Variants in FBP2 observed in about 807,000 individuals in gnomAD.
FBP2 encodes the protein fructose-1,6-bisphosphatase isozyme 2.
In FBP2, 27 loss-of-function variants were observed where a neutral mutation model predicts 31.6. The ratio of observed to expected loss-of-function variants is 0.85; its 90% CI spans 0.63 to 1.18. The LOEUF (loss-of-function observed/expected upper bound fraction) is 1.18. Among genes scored for constraint, FBP2 ranks in the 50% most tolerant of loss-of-function variants. The probability of loss-of-function intolerance (pLI) is 0.00; values close to 1 mark genes in which losing one functional copy is unlikely to be tolerated. For synonymous variants in FBP2, 168 were observed against 179.8 expected (o/e 0.93, Z 0.53); for missense variants, 421 against 436.1 (o/e 0.97, Z 0.31).
chr9:94,568,869 A>C (rs1038376172), intron 4 of FBP2: 6 of 152,200 alleles, frequency 3.9e-5, no homozygotes, highest in African/African-American at 1.4e-4. Flanking sequence ...TATCCAATCC[A>C]GACTGACCCT....
chr9:94,563,470 CAGAA>C lies in FBP2; in HGVS notation c.706-13_706-10del. On this transcript the variant is annotated splice_polypyrimidine_tract_variant and intron_variant, in intron 5 of 6. Coordinates refer to ENST00000375337, the MANE Select transcript of FBP2 (RefSeq NM_003837.4). ...TAGGGAGCACTGCCATCCTAGAAGA[CAGAA>C]AGCGAAGAGACAAGATCCAGTGGCT... 1.9e-6 allele frequency: 3 copies of C among 1,611,828 alleles called. No homozygotes were observed. The highest frequency in any genetic ancestry group is 2.5e-6 in the Non-Finnish European group (3 of 1,178,638).
intron 5 of FBP2, among the ~76,000 whole-genome samples, chr9:94,565,750 AT>A (rs1240276025): frequency 4.6e-5 from 6 of 129,900 alleles, no homozygotes; most frequent in Admixed American, 8.4e-5. Context: ...AGATAGATAG[AT>A]AGAAAATAGA....
At chr9:94,586,301 G>A (rs1407420030) in intron 2 of FBP2, among the ~76,000 whole-genome samples, 1 of 152,170 alleles carries the variant, frequency 6.6e-6, no homozygotes, top group Non-Finnish European at 1.5e-5. Flanking sequence ...CTTGAACCCG[G>A]GAGGCAGAGG....
At chr9:94,564,710 TAC>T (rs1827161002) in intron 5 of FBP2, among the ~76,000 whole-genome samples, 1 of 152,020 alleles carries the variant, frequency 6.6e-6, no homozygotes, top group Non-Finnish European at 1.5e-5. Flanking sequence ...AAGTATTGGA[TAC>T]CAGGTTTAGT....
rs1827441641 is a variant in FBP2 at position 94,587,457 on chromosome 9, T to C, written c.183A>G (p.Ala61=). ...CATCTCCCGTCACGTTAACGCTTCCTGCGATTCCATACCTGAGAAGACAAA... is the reference window on the plus strand; with the variant it reads ...CATCTCCCGTCACGTTAACGCTTCCCGCGATTCCATACCTGAGAAGACAAA... The part of the protein sequence containing the change: ...KAGLAHLYGI[A]GSVNVTGDEV... The change falls in exon 2 of 7, where the codon GCA becomes GCG. Residue 61 remains alanine (A), a synonymous_variant. Transcript: ENST00000375337. 9 of 1,613,978 alleles carry C rather than the reference T, an allele frequency of 5.6e-6. No individual in the cohort carries two copies. The highest frequency in any genetic ancestry group is 6.8e-6 in the Non-Finnish European group (8 of 1,179,966).
At chr9:94,590,293 C>G (rs1039916100) in intron 1 of FBP2, among the ~76,000 whole-genome samples, 3 of 152,194 alleles carry the variant, frequency 2.0e-5, no homozygotes, top group South Asian at 2.1e-4. Context: ...ATGAGAAAGC[C>G]AAGGAGAGGC....
At chr9:94,561,121 T>C (rs1308880813) in intron 6 of FBP2, among the ~76,000 whole-genome samples, 1 of 152,100 alleles carries the variant, frequency 6.6e-6, no homozygotes, top group Non-Finnish European at 1.5e-5. Flanking sequence ...TCTCCCCTTT[T>C]ATGTGGGGGA....
intron 3 of FBP2, among the ~76,000 whole-genome samples, chr9:94,580,792 C>T (rs1016753199): frequency 6.6e-6 from 1 of 152,170 alleles, no homozygotes; most frequent in African/African-American, 2.4e-5. Context: ...AGGCCCTTAT[C>T]AGGTACTATT....
chr9:94,586,567 G>A (rs574415057), intron 2 of FBP2: 2 of 152,286 alleles, frequency 1.3e-5, no homozygotes, highest in South Asian at 4.1e-4. Flanking sequence ...TATGTGAGAC[G>A]AGGGCAAAAG....
At chr9:94,589,924 AAC>A (rs1827471953) in intron 1 of FBP2, among the ~76,000 whole-genome samples, 1 of 152,220 alleles carries the variant, frequency 6.6e-6, no homozygotes, top group Non-Finnish European at 1.5e-5. Context: ...GGGGACCACA[AAC>A]ACAGGCCTTG....
chr9:94,584,705 A>T, intron 2 of FBP2, 36 bp from the exon 3 acceptor site: 1 of 1,288,346 alleles, frequency 7.8e-7, no homozygotes, highest in Non-Finnish European at 1.1e-6. Context: ...TGATCAGCAC[A>T]TCTTCCCATT....
chr9:94,580,515 C>T (rs1827364396), intron 3 of FBP2, among the ~76,000 whole-genome samples: 1 of 152,218 alleles, frequency 6.6e-6, no homozygotes, highest in African/African-American at 2.4e-5. Flanking sequence ...CCATGCCCAG[C>T]CTGGATTGCC....
At chr9:94,590,050 A>G (rs1022170669) in intron 1 of FBP2, among the ~76,000 whole-genome samples, 1 of 151,792 alleles carries the variant, frequency 6.6e-6, no homozygotes, top group Admixed American at 6.6e-5. Flanking sequence ...ATGCCCCCTC[A>G]TCCGCCTAAC....
At chr9:94,584,487 G>A in intron 3 of FBP2, 90 bp downstream of exon 3, 1 of 825,038 alleles carries the variant, frequency 1.2e-6, no homozygotes, top group Non-Finnish European at 2.1e-6. Flanking sequence ...GAAGACAAAG[G>A]GTAGGACTCC....
chr9:94,588,888 C>T (rs866899221), intron 1 of FBP2, among the ~76,000 whole-genome samples: 9 of 152,324 alleles, frequency 5.9e-5, no homozygotes, highest in African/African-American at 1.7e-4. Context: ...CCAAGGCACA[C>T]ACCTGCCTTG....
chr9:94,588,136 C>T (rs2131460579), intron 1 of FBP2, among the ~76,000 whole-genome samples: 1 of 152,280 alleles, frequency 6.6e-6, no homozygotes, highest in East Asian at 1.9e-4. Context: ...CAGGCATGAG[C>T]CACCATGCCC....
chr9:94,590,025 T>C (rs1244527214), intron 1 of FBP2, among the ~76,000 whole-genome samples: 1 of 152,100 alleles, frequency 6.6e-6, no homozygotes, highest in Non-Finnish European at 1.5e-5. Context: ...ACAGCCTCTG[T>C]CCTGCGCTTT....
chr9:94,561,646 T>C (rs992939282), intron 6 of FBP2, among the ~76,000 whole-genome samples: 1 of 152,094 alleles, frequency 6.6e-6, no homozygotes, highest in Non-Finnish European at 1.5e-5. Context: ...ATTACAGGCG[T>C]GAGCCACCGC....
intron 2 of FBP2, among the ~76,000 whole-genome samples, chr9:94,586,492 A>G (rs1040790991): frequency 2.0e-5 from 3 of 152,220 alleles, no homozygotes; most frequent in African/African-American, 7.2e-5. Flanking sequence ...CAGACTGGAG[A>G]GAGAAACAAG....
Sources: gnomAD v4.1 joint callset for allele counts (sites outside exome capture counted in the v4.1 genomes callset) on GRCh38, gnomAD v4.1.1 for gene constraint, MANE v1.5 for transcripts, NCBI Gene and HGNC (gene_info 2026-07-23, HGNC 2026-07-21) for gene names.